Variants in TEAD1 observed in about 807,000 individuals in gnomAD.
TEAD1 encodes the protein transcriptional enhancer factor TEF-1.
In TEAD1, 9 loss-of-function variants were observed where a neutral mutation model predicts 54.9. The ratio of observed to expected loss-of-function variants is 0.16; its 90% CI spans 0.10 to 0.29. TEAD1 has a LOEUF of 0.29. Ranked by LOEUF, TEAD1 falls within the 10% of genes least tolerant of loss-of-function variation. The pLI is 1.00. For synonymous variants in TEAD1, 200 were observed against 187.8 expected (o/e 1.07, Z -0.53); for missense variants, 387 against 535.9 (o/e 0.72, Z 2.74).
intron 3 of TEAD1, among the ~76,000 whole-genome samples, chr11:12,811,737 G>A (rs938124493): frequency 3.3e-5 from 5 of 151,712 alleles, no homozygotes; most frequent in Non-Finnish European, 7.4e-5. Flanking sequence ...AGGTCTGTGA[G>A]AGGTCTTAGG....
At chr11:12,780,347 G>A (rs978497522) in intron 3 of TEAD1, among the ~76,000 whole-genome samples, 4 of 151,420 alleles carry the variant, frequency 2.6e-5, no homozygotes, top group Non-Finnish European at 5.9e-5. Flanking sequence ...AGGTTCAAGC[G>A]ATTCTCCTGG....
chr11:12,676,668 C>A (rs1356457711), intron 2 of TEAD1, among the ~76,000 whole-genome samples: 1 of 152,076 alleles, frequency 6.6e-6, no homozygotes, highest in Non-Finnish European at 1.5e-5. Context: ...ATTCGTTGAA[C>A]CTTTTGTCAG....
At chr11:12,770,249 A>T (rs2133933892) in intron 3 of TEAD1, among the ~76,000 whole-genome samples, 1 of 152,284 alleles carries the variant, frequency 6.6e-6, no homozygotes, top group Non-Finnish European at 1.5e-5. Context: ...GGGGTATGCA[A>T]AAGTGTATGC....
intron 2 of TEAD1, among the ~76,000 whole-genome samples, chr11:12,699,129 AC>A (rs1165620548): frequency 2.0e-5 from 3 of 152,176 alleles, no homozygotes; most frequent in African/African-American, 7.2e-5. Flanking sequence ...AGGAATCTAG[AC>A]CCAGTGGCTG....
chr11:12,692,231 C>G (rs1055615138), intron 2 of TEAD1, among the ~76,000 whole-genome samples: 7 of 152,178 alleles, frequency 4.6e-5, no homozygotes, highest in Admixed American at 2.6e-4. Context: ...CAACCACCCC[C>G]CAGTCCCCCC....
intron 3 of TEAD1, among the ~76,000 whole-genome samples, chr11:12,860,227 T>C (rs944062752): frequency 6.6e-6 from 1 of 152,204 alleles, no homozygotes; most frequent in African/African-American, 2.4e-5. Context: ...GATCTGGGGA[T>C]GAAAGTTAAA....
chr11:12,738,650 A>C (rs1188329497), intron 2 of TEAD1, among the ~76,000 whole-genome samples: 1 of 152,186 alleles, frequency 6.6e-6, no homozygotes, highest in Non-Finnish European at 1.5e-5. Context: ...CCTGGGACTC[A>C]TCTGTAGTTG....
chr11:12,931,778 TA>T (rs35440397), intron 12 of TEAD1, among the ~76,000 whole-genome samples: 6 of 151,322 alleles, frequency 4.0e-5, no homozygotes, highest in African/African-American at 9.7e-5. Flanking sequence ...CACCATTGTA[TA>T]AAAAAAAATA....
intron 3 of TEAD1, among the ~76,000 whole-genome samples, chr11:12,791,206 C>G (rs1186393019): frequency 6.6e-6 from 1 of 152,154 alleles, no homozygotes; most frequent in Non-Finnish European, 1.5e-5. Context: ...AGCTTTTGGC[C>G]TCTCTCATTT....
At chr11:12,794,416 A>G (rs1414281100) in intron 3 of TEAD1, among the ~76,000 whole-genome samples, 1 of 152,206 alleles carries the variant, frequency 6.6e-6, no homozygotes, top group African/African-American at 2.4e-5. Context: ...TTGTCTGTGT[A>G]TTATTTACTG....
At chr11:12,933,800 C>A (rs1044776410) in intron 12 of TEAD1, among the ~76,000 whole-genome samples, 1 of 152,104 alleles carries the variant, frequency 6.6e-6, no homozygotes. Context: ...CAGGCCACCC[C>A]GAGGTCACAG....
Position 12,944,157 on chromosome 11 carries a change from T to C in TEAD1, c.*6935T>C, listed in dbSNP as rs981678123. ...TTCATCTGGTCAGTGGTTCCTTTGA[T>C]ATTGTACTGCTGCTGGGAGTGGGCT... On this transcript the variant is annotated 3_prime_UTR_variant, in exon 13 of 13. Coordinates refer to ENST00000527636, the MANE Select transcript of TEAD1 (RefSeq NM_021961.6). The C allele has an allele frequency of 6.6e-6, 1 of 152,656 alleles. No individual in the cohort carries two copies. Among genetic ancestry groups the C allele is most frequent in the Non-Finnish European group, 1.5e-5 (1 of 68,042 alleles). 9.5% of individuals were successfully genotyped at this position (152,656 alleles called of 1,614,324 possible). A position where few individuals can be genotyped will look rare whatever the true frequency, so the allele number is the denominator to read the frequency against.
intron 12 of TEAD1, among the ~76,000 whole-genome samples, chr11:12,933,286 T>C: frequency 6.6e-6 from 1 of 152,342 alleles, no homozygotes; most frequent in South Asian, 2.1e-4. Flanking sequence ...ATATGGAGAA[T>C]TAATACCTAT....
At chr11:12,854,031 G>T (rs1453562435) in intron 3 of TEAD1, among the ~76,000 whole-genome samples, 1 of 152,108 alleles carries the variant, frequency 6.6e-6, no homozygotes, top group African/African-American at 2.4e-5. Context: ...TCAGTCCTTT[G>T]GTGAACTTCT....
At chr11:12,731,475 C>T (rs1944423790) in intron 2 of TEAD1, among the ~76,000 whole-genome samples, 1 of 151,824 alleles carries the variant, frequency 6.6e-6, no homozygotes. Flanking sequence ...CTAAATTAAC[C>T]ATATATTTGG....
At chr11:12,930,023 T>C in intron 11 of TEAD1, 151 bp from the exon 12 acceptor site, 1 of 851,496 alleles carries the variant, frequency 1.2e-6, no homozygotes, top group Non-Finnish European at 1.8e-6. Flanking sequence ...TGGAGATAGT[T>C]TTTTTTTAAT....
chr11:12,920,321 A>T (rs899533201), intron 10 of TEAD1, among the ~76,000 whole-genome samples: 1 of 152,222 alleles, frequency 6.6e-6, no homozygotes, highest in African/African-American at 2.4e-5. Context: ...GAATAATACC[A>T]TTCTAAACTT....
intron 3 of TEAD1, among the ~76,000 whole-genome samples, chr11:12,795,118 C>G (rs996421823): frequency 2.6e-5 from 4 of 152,182 alleles, no homozygotes; most frequent in African/African-American, 9.7e-5. Context: ...CATGTTTTCT[C>G]AAGTCTTTAG....
At chr11:12,836,438 T>C (rs61878768) in intron 3 of TEAD1, among the ~76,000 whole-genome samples, 2 of 149,546 alleles carry the variant, frequency 1.3e-5, no homozygotes, top group African/African-American at 2.5e-5. Context: ...AAAAAAAAAT[T>C]GTTGCTTTTC....
Sources: gnomAD v4.1 joint callset for allele counts (sites outside exome capture counted in the v4.1 genomes callset) on GRCh38, gnomAD v4.1.1 for gene constraint, MANE v1.5 for transcripts, NCBI Gene and HGNC (gene_info 2026-07-23, HGNC 2026-07-21) for gene names.